PARP10: variants seen among roughly 807,000 people sequenced by gnomAD.
The protein encoded by PARP10 is protein mono-ADP-ribosyltransferase PARP10.
In PARP10, 56 loss-of-function variants were observed where a neutral mutation model predicts 82.4. That is an observed-to-expected ratio of 0.68 (90% CI 0.55 to 0.85). The LOEUF is 0.85. PARP10 is among the 40% of genes least tolerant of loss of function. The pLI is 0.00. For missense variants in PARP10, 1,227 were observed against 1,379.4 expected, an observed-to-expected ratio of 0.89 and a Z score of 1.75; for synonymous variants, 576 against 601.1, an observed-to-expected ratio of 0.96 and a Z score of 0.61.
chr8:143,981,404 GTGA>G (rs1833856232), intron 9 of PARP10, among the ~76,000 whole-genome samples: 1 of 69,542 alleles, frequency 1.4e-5, no homozygotes, highest in Non-Finnish European at 3.0e-5. Context: ...GATGATGGTG[GTGA>G]CGACAGTGAG....
intron 9 of PARP10, among the ~76,000 whole-genome samples, chr8:143,981,138 C>T (rs574633178): frequency 2.0e-3 from 302 of 150,554 alleles, no homozygotes; most frequent in African/African-American, 7.3e-3. Context: ...AGGTGCTCAC[C>T]GGAAGAACCA....
chr8:143,991,422 G>T, upstream of PARP10: 1 of 1,405,576 alleles, frequency 7.1e-7, no homozygotes. Context: ...CTACCCCCAA[G>T]GGGGCTACCC....
rs549584927 is a variant in PARP10, at chr8:143,984,806, C to A, written c.1196G>T (p.Gly399Val). The A allele has an allele frequency of 6.2e-7, 1 of 1,612,692 alleles. No homozygotes were observed. Among genetic ancestry groups the A allele is most frequent in the African/African-American group, 1.3e-5 (1 of 74,888 alleles). The change falls in exon 5 of 11, where the codon GGC (glycine) becomes GTC (valine). Residue 399 changes from glycine to valine, a missense_variant. Transcript: ENST00000313028. ...TGAGTCCATGGCAATTTCCACCAGGCCCTCCTGCCCCAGCAACCCCTTAGA... is the reference window on the plus strand; with the variant it reads ...TGAGTCCATGGCAATTTCCACCAGGACCTCCTGCCCCAGCAACCCCTTAGA... ...ETSKGLLGQE[G>V]LVEIAMDSPE...
intron 1 of PARP10, among the ~76,000 whole-genome samples, chr8:143,996,641 C>T (rs965083460): frequency 3.3e-5 from 5 of 152,212 alleles, no homozygotes; most frequent in African/African-American, 9.6e-5. Flanking sequence ...GACCTTTTCA[C>T]GGCATGATCA....
intron 1 of PARP10, among the ~76,000 whole-genome samples, chr8:143,996,268 C>G (rs1554751298): frequency 6.6e-6 from 1 of 152,206 alleles, no homozygotes; most frequent in African/African-American, 2.4e-5. Flanking sequence ...AATCAAAAAA[C>G]AAGTTATATA....
chr8:143,986,457 A>C lies in PARP10; in HGVS notation c.-98T>G. Reference sequence around the variant, plus strand: ...AACCCTGCTGGGAGCAGGAAAACAAAAGTGAAACTGAAAGACGGAAGGAGG... The same window carrying C: ...AACCCTGCTGGGAGCAGGAAAACAACAGTGAAACTGAAAGACGGAAGGAGG... On this transcript the variant is annotated 5_prime_UTR_variant, in exon 1 of 11. Transcript: ENST00000313028. 1 of 1,595,470 alleles carries C rather than the reference A, an allele frequency of 6.3e-7. No homozygotes were observed. The highest frequency in any genetic ancestry group is 8.6e-7 in the Non-Finnish European group (1 of 1,163,680).
In PARP10 at chr8:143,996,740, A is replaced by G. The variant is rs567606262; in HGVS notation, c.-79-10302T>C. On this transcript the variant is annotated intron_variant, in intron 1 of 3. Coordinates refer to the PARP10 transcript ENST00000530478. ...ACGTCAGCATCTGAGGAGTGCAGAG[A>G]GCAACATTAAAGCCCAGGGGATGCA... Among the ~76,000 whole-genome samples, 24 of 152,324 alleles carry G rather than the reference A, an allele frequency of 1.6e-4. No homozygotes were observed. In the South Asian group the frequency reaches 5.0e-3, roughly 32 times the overall value.
chr8:143,977,300 G>T lies in PARP10; in HGVS notation c.*184C>A. On this transcript the variant is annotated 3_prime_UTR_variant, in exon 11 of 11. Transcript: ENST00000313028. ...TGGTGGTGGGGTCGGCCCAGGCTGG[G>T]ACCTAGCCCGGCCCCCCTCGGCCGC... The T allele has an allele frequency of 1.5e-6, 1 of 667,724 alleles. No individual in the cohort carries two copies. Among genetic ancestry groups the T allele is most frequent in the Non-Finnish European group, 2.5e-6 (1 of 403,400 alleles). The allele number at this position is 667,724 out of a possible 1,614,324, so 41.4% of individuals were successfully genotyped here. A position where few individuals can be genotyped will look rare whatever the true frequency, so the allele number is the denominator to read the frequency against.
upstream of PARP10, among the ~76,000 whole-genome samples, chr8:143,993,984 T>C (rs1194507793): frequency 2.0e-5 from 3 of 152,216 alleles, no homozygotes; most frequent in Admixed American, 6.5e-5. Flanking sequence ...CAGCCTGCAG[T>C]GCGTTTCCTG....
rs138048527 is a variant in PARP10 at position 143,983,551 on chromosome 8, G to A, written c.2038C>T (p.Arg680Trp). Residue 680 changes from arginine to tryptophan, a missense_variant, in exon 8 of 11, where the codon CGG (arginine) becomes TGG (tryptophan). Arg to Trp is a moderately radical substitution (Grantham distance 101, BLOSUM62 -3). Coordinates refer to ENST00000313028, the MANE Select transcript of PARP10 (RefSeq NM_032789.5). ...VAEQEEAAAL[R>W]QALTLSLLEQ... ...AGCAGGGAGAGGGTTAGGGCTTGCC[G>A]CAGGGCAGCAGCCTCCTCCTGCTCA... 131 of 1,605,928 alleles carry A rather than the reference G, an allele frequency of 8.2e-5. No homozygotes were observed. In the African/African-American group the frequency reaches 1.4e-3, roughly 18 times the overall value.
exon 1 of PARP10, chr8:144,012,601 G>A (rs572315628): frequency 8.4e-6 from 13 of 1,551,756 alleles, no homozygotes; most frequent in Admixed American, 3.9e-5. Context: ...AAGTTGGTGC[G>A]GCTCATTCGG....
intron 9 of PARP10, among the ~76,000 whole-genome samples, chr8:143,979,378 A>G (rs1204405148): frequency 1.3e-5 from 2 of 152,154 alleles, no homozygotes; most frequent in Admixed American, 6.5e-5. Flanking sequence ...ATGCTAAGAA[A>G]CCATGGGGGG....
At position 144,011,650 on chromosome 8, in the gene PARP10, G is replaced by A. The variant is rs1255109446; in HGVS notation, c.-80+880C>T. On this transcript the variant is annotated intron_variant, in intron 1 of 3. Transcript: ENST00000530478. This position sits in a 1 kb window ranked among gnomAD's most constrained non-coding sequence, Gnocchi z 4.5. ...AGAGAAGGGGAGCATCATGAGGACT[G>A]AGTCCTGAGTTCTTAGAACCAGGTG... Among the ~76,000 whole-genome samples, 1 of 152,178 alleles carries A rather than the reference G, an allele frequency of 6.6e-6. No individual in the cohort carries two copies. The highest frequency in any genetic ancestry group is 2.4e-5 in the African/African-American group (1 of 41,444).
At chr8:143,980,033 C>A (rs776115028) in intron 9 of PARP10, among the ~76,000 whole-genome samples, 131 of 135,830 alleles carry the variant, frequency 9.6e-4, no homozygotes, top group Non-Finnish European at 1.6e-3. Flanking sequence ...AAAAAAAAAC[C>A]CGTCTCAGCC....
At chr8:143,979,813 C>T (rs572352104) in intron 9 of PARP10, among the ~76,000 whole-genome samples, 11 of 151,868 alleles carry the variant, frequency 7.2e-5, no homozygotes, top group African/African-American at 2.2e-4. Context: ...ATCACGAGGT[C>T]GGGAGATCGA....
At chr8:143,993,120 T>G, upstream of PARP10, 1 of 407,932 alleles carries the variant, frequency 2.5e-6, no homozygotes, top group African/African-American at 2.0e-5. Flanking sequence ...GCATGAGCCC[T>G]GTCTGCCAGC....
In PARP10 at chr8:143,983,419, G is replaced by A. The variant is rs548958950; in HGVS notation, c.2170C>T (p.Arg724Trp). ...AFEQDVEELD[R>W]ALRAALEVHV... Reference sequence around the variant, plus strand: ...ACCTCCAAGGCAGCCCTGAGCGCCCGGTCCAGCTCCTCCACATCCTGCTCA... The same window carrying A: ...ACCTCCAAGGCAGCCCTGAGCGCCCAGTCCAGCTCCTCCACATCCTGCTCA... The change falls in exon 8 of 11, where the codon CGG (arginine) becomes TGG (tryptophan). Residue 724 changes from arginine (R) to tryptophan (W), a missense_variant. Transcript: ENST00000313028. 40 of 1,604,594 alleles carry A rather than the reference G, an allele frequency of 2.5e-5. No homozygotes were observed. The South Asian group carries it at 2.5e-4, about 10-fold the overall frequency.
upstream of PARP10, chr8:143,991,888 T>G: frequency 6.2e-7 from 1 of 1,611,764 alleles, no homozygotes; most frequent in Non-Finnish European, 8.5e-7. Context: ...GTGTTCCTAG[T>G]GCTGACCTTG....
rs782183194 is a variant in PARP10 at position 143,977,942 on chromosome 8, G to A, written c.2696C>T (p.Ala899Val). 13 of 1,601,102 alleles carry A rather than the reference G, an allele frequency of 8.1e-6. No homozygotes were observed. Among genetic ancestry groups the A allele is most frequent in the South Asian group, 2.2e-5 (2 of 90,964 alleles). ...TTAPAVPDIC[A>V]HGFNRSFCGR... is the part of the protein sequence containing the mutation. ...GCAGAAGCTGCGGTTGAAGCCGTGG[G>A]CGCAGATGTCAGGCACTGCCGGTGC... Residue 899 changes from alanine to valine, a missense_variant, in exon 10 of 11, where the codon GCC becomes GTC. Physicochemically the swap from Ala to Val is moderately conservative, Grantham distance 64. Coordinates refer to ENST00000313028, the MANE Select transcript of PARP10 (RefSeq NM_032789.5).
Sources: allele counts gnomAD v4.1 joint callset (sites outside exome capture counted in the v4.1 genomes callset), GRCh38; gene constraint gnomAD v4.1.1; non-coding constraint Gnocchi (gnomAD v3.1); transcripts MANE v1.5; gene names NCBI Gene and HGNC (gene_info 2026-07-23, HGNC 2026-07-21).